Variants in B4GALNT3 observed in about 807,000 individuals in gnomAD.
The protein encoded by B4GALNT3 is beta-1,4-N-acetyl-galactosaminyltransferase 3.
A neutral mutation model predicts 120.2 loss-of-function variants in B4GALNT3; 86 were observed. The observed-to-expected ratio is 0.72, with a 90% CI of 0.60 to 0.86. The LOEUF (loss-of-function observed/expected upper bound fraction) is 0.86, where lower values mean the gene tolerates loss of function less well. Ranked by LOEUF, B4GALNT3 falls within the 40% of genes least tolerant of loss-of-function variation. The probability of loss-of-function intolerance (pLI) is 0.00; values close to 1 mark genes in which losing one functional copy is unlikely to be tolerated. For synonymous variants in B4GALNT3, 518 were observed against 510.4 expected (o/e 1.01, Z -0.20); for missense variants, 1,167 against 1,298.9 (o/e 0.90, Z 1.56).
intron 3 of B4GALNT3, among the ~76,000 whole-genome samples, chr12:541,035 G>T (rs1946909040): frequency 1.3e-5 from 2 of 152,246 alleles, no homozygotes. Context: ...GAGCCACCGT[G>T]CCCGGCAGCT....
rs369101659 is a variant in B4GALNT3 at position 519,891 on chromosome 12, A to G, written c.170-15275A>G. On this transcript the variant is annotated intron_variant, in intron 1 of 19. Coordinates refer to ENST00000266383, the MANE Select transcript of B4GALNT3 (RefSeq NM_173593.4). ...CATAACCCTTGGGTTGTTTCCATGG[A>G]AAGTACTCTCTCATTGGCCGGGTTA... Among the ~76,000 whole-genome samples the G allele has an allele frequency of 5.9e-5, 9 of 152,268 alleles. 1 individual carries two copies. The highest frequency in any genetic ancestry group is 1.5e-5 in the Non-Finnish European group (1 of 68,018).
At chr12:514,548 G>C (rs1460417719) in intron 1 of B4GALNT3, among the ~76,000 whole-genome samples, 2 of 152,128 alleles carry the variant, frequency 1.3e-5, no homozygotes, top group African/African-American at 4.8e-5. Context: ...AGAGCAAGGA[G>C]GAAGGCATGG....
In B4GALNT3 at chr12:553,400, C is replaced by T. The variant is rs1345217249; in HGVS notation, c.1477C>T (p.Arg493Trp). The change falls in exon 14 of 20, where the codon CGG becomes TGG. Residue 493 changes from arginine to tryptophan, a missense_variant. Physicochemically the swap from Arg to Trp is moderately radical, Grantham distance 101 (BLOSUM62 -3). Around this residue, in one of 3 missense-constraint regions of B4GALNT3, gnomAD observed 983 missense variants for 1,102.5 expected, o/e 0.89. Transcript: ENST00000266383. The stretch of plus-strand genomic sequence containing the variant: ...GGGCCTGCTGGCCCCCTTCTCCAAG[C>T]GGAACTCCACAGCGTCCTTCCCAGG... ...REGLLAPFSK[R>W]NSTASFPGRT... 4.3e-6 allele frequency: 7 copies of T among 1,613,754 alleles called. No homozygotes were observed. The highest frequency in any genetic ancestry group is 2.2e-5 in the South Asian group (2 of 91,090).
intron 3 of B4GALNT3, among the ~76,000 whole-genome samples, chr12:538,649 A>G (rs1946885579): frequency 6.6e-6 from 1 of 152,150 alleles, no homozygotes; most frequent in Non-Finnish European, 1.5e-5. Context: ...CCATTTTTAA[A>G]TACTAAAAAT....
chr12:539,095 C>T (rs1045463030), intron 3 of B4GALNT3, among the ~76,000 whole-genome samples: 3 of 152,176 alleles, frequency 2.0e-5, no homozygotes, highest in Non-Finnish European at 2.9e-5. Context: ...TTCCCTGCCC[C>T]GAGCTTTGGC....
intron 1 of B4GALNT3, among the ~76,000 whole-genome samples, chr12:461,863 G>A (rs966164613): frequency 1.3e-5 from 2 of 152,180 alleles, no homozygotes; most frequent in African/African-American, 2.4e-5. Flanking sequence ...ACTAACTAGC[G>A]GGGGAATCAA....
chr12:532,053 GC>G (rs148243970), intron 1 of B4GALNT3, among the ~76,000 whole-genome samples: 5,215 of 151,956 alleles, frequency 0.034, 122 homozygotes, highest in Non-Finnish European at 0.052. Context: ...TGATCCTGCT[GC>G]CTTGGCCTCC....
chr12:464,750 C>A (rs1471647302), intron 1 of B4GALNT3, among the ~76,000 whole-genome samples: 3 of 152,194 alleles, frequency 2.0e-5, no homozygotes, highest in Non-Finnish European at 4.4e-5. Context: ...CATTTAAGTG[C>A]CAGGATTACT....
intron 7 of B4GALNT3, 153 bp downstream of exon 7, chr12:546,866 G>A (rs754046271): frequency 5.1e-5 from 36 of 712,088 alleles, no homozygotes; most frequent in Non-Finnish European, 8.0e-5. Context: ...CTCAGAAGCC[G>A]CGAGCCCATC....
At chr12:551,939 C>A in intron 11 of B4GALNT3, 124 bp from the exon 12 acceptor site, 4 of 746,936 alleles carry the variant, frequency 5.4e-6, no homozygotes, top group Admixed American at 2.0e-5. Context: ...CCTTCTCTCC[C>A]TGCCAAGGGC....
intron 1 of B4GALNT3, among the ~76,000 whole-genome samples, chr12:508,677 C>G (rs1946519859): frequency 6.6e-6 from 1 of 152,172 alleles, no homozygotes; most frequent in South Asian, 2.1e-4. Flanking sequence ...ATTACCTTTT[C>G]CCTCTGACCT....
At position 544,396 on chromosome 12, in the gene B4GALNT3, C is replaced by A. The variant is rs201835778; in HGVS notation, c.409C>A (p.Gln137Lys). 16 of 1,613,756 alleles carry A rather than the reference C, an allele frequency of 9.9e-6. No individual in the cohort carries two copies. In the African/African-American group the frequency reaches 2.0e-4, roughly 20 times the overall value. The change falls in exon 4 of 20, where the codon CAG becomes AAG. Residue 137 changes from glutamine (Q) to lysine (K), a missense_variant. By Grantham distance (53) the Gln-to-Lys change is moderately conservative (BLOSUM62 1). Coordinates refer to ENST00000266383, the MANE Select transcript of B4GALNT3 (RefSeq NM_173593.4). ...AGACTGGTGTGGCAGCTCTATCCAGCAGCTCAGGAGGAACCTGCATTTCCC... is the reference window on the plus strand; with the variant it reads ...AGACTGGTGTGGCAGCTCTATCCAGAAGCTCAGGAGGAACCTGCATTTCCC... ...FEDWCGSSIQ[Q>K]LRRNLHFPLY...
At chr12:531,771 G>A (rs985774185) in intron 1 of B4GALNT3, among the ~76,000 whole-genome samples, 2 of 152,102 alleles carry the variant, frequency 1.3e-5, no homozygotes, top group African/African-American at 4.8e-5. Flanking sequence ...AAATTTTTAG[G>A]AAGAAAACAT....
Position 559,271 on chromosome 12 carries a change from C to G in B4GALNT3, c.2762-24C>G, listed in dbSNP as rs781592025. ...TCCTCCTGGCCTCTGGCTCATCTCA[C>G]CCGAAGCTCCTGTCTGTCCACAGGC... is the stretch of plus-strand genomic sequence containing the variant. On this transcript the variant is annotated intron_variant, in intron 18 of 19. Transcript: ENST00000266383. 4 of 1,613,500 alleles carry G rather than the reference C, an allele frequency of 2.5e-6. No homozygotes were observed. The East Asian group carries it at 6.7e-5, about 27-fold the overall frequency.
intron 3 of B4GALNT3, 119 bp downstream of exon 3, chr12:536,414 G>A (rs1946860814): frequency 1.4e-6 from 1 of 703,324 alleles, no homozygotes; most frequent in South Asian, 2.0e-5. Flanking sequence ...TACTCTTTGA[G>A]AGAGCTAAAA....
At chr12:516,425 G>A (rs1207821152) in intron 1 of B4GALNT3, among the ~76,000 whole-genome samples, 2 of 152,158 alleles carry the variant, frequency 1.3e-5, no homozygotes, top group African/African-American at 4.8e-5. Flanking sequence ...GACATGCAAA[G>A]GCCCGGGGTA....
At chr12:501,020 C>T (rs1027492071) in intron 1 of B4GALNT3, among the ~76,000 whole-genome samples, 23 of 150,762 alleles carry the variant, frequency 1.5e-4, no homozygotes, top group African/African-American at 4.2e-4. Context: ...ATTACAGGCT[C>T]ACCCAGCCAC....
At chr12:523,380 G>A (rs1946731103) in intron 1 of B4GALNT3, among the ~76,000 whole-genome samples, 1 of 152,184 alleles carries the variant, frequency 6.6e-6, no homozygotes. Context: ...CTTTTCTGAA[G>A]CGTGGATGTG....
intron 1 of B4GALNT3, among the ~76,000 whole-genome samples, chr12:464,575 T>C (rs1946058272): frequency 6.6e-6 from 1 of 151,404 alleles, no homozygotes; most frequent in Non-Finnish European, 1.5e-5. Flanking sequence ...GAGGTTGCAG[T>C]GAGCTGAGAT....
Sources: gnomAD v4.1 joint callset for allele counts (sites outside exome capture counted in the v4.1 genomes callset) on GRCh38, gnomAD v4.1.1 for gene constraint, gnomAD v4.1.1 regional missense constraint, MANE v1.5 for transcripts, NCBI Gene and HGNC (gene_info 2026-07-23, HGNC 2026-07-21) for gene names.